MDGA2: variants seen among roughly 807,000 people sequenced by gnomAD.
MDGA2 encodes MAM domain containing glycosylphosphatidylinositol anchor 2, also known as MAM domain-containing glycosylphosphatidylinositol anchor protein 2.
MDGA2 carries 40 observed loss-of-function variants against 117.8 expected under a neutral mutation model. That is an observed-to-expected ratio of 0.34 (90% CI 0.26 to 0.44). The LOEUF is 0.44. Ranked by LOEUF, MDGA2 falls within the 20% of genes least tolerant of loss-of-function variation. The pLI is 1.00. For synonymous variants in MDGA2, 452 were observed against 439.0 expected (o/e 1.03, Z -0.37); for missense variants, 1,123 against 1,250.6 (o/e 0.90, Z 1.54).
intron 1 of MDGA2, among the ~76,000 whole-genome samples, chr14:47,463,017 G>A (rs964147202): frequency 6.6e-6 from 1 of 152,160 alleles, no homozygotes; most frequent in African/African-American, 2.4e-5. Context: ...CTTTGTGTGT[G>A]TGTGTGTGCA....
chr14:47,637,229 C>T (rs2138236933), intron 1 of MDGA2, among the ~76,000 whole-genome samples: 1 of 152,198 alleles, frequency 6.6e-6, no homozygotes, highest in South Asian at 2.1e-4. Context: ...ACCCAGTTGG[C>T]TAGGGGTACA....
At chr14:47,085,182 T>G (rs538336294) in intron 6 of MDGA2, among the ~76,000 whole-genome samples, 17 of 152,234 alleles carry the variant, frequency 1.1e-4, no homozygotes, top group Non-Finnish European at 2.2e-4. Flanking sequence ...TTTACAGTCT[T>G]AAAAGCCTAC....
chr14:47,556,248 C>T (rs1175725990), intron 1 of MDGA2, among the ~76,000 whole-genome samples: 2 of 152,108 alleles, frequency 1.3e-5, no homozygotes, highest in East Asian at 1.9e-4. Context: ...ACACAAACTC[C>T]AGACAGTGAC....
At chr14:47,226,265 G>A (rs1886499332) in intron 2 of MDGA2, among the ~76,000 whole-genome samples, 1 of 144,108 alleles carries the variant, frequency 6.9e-6, no homozygotes, top group Non-Finnish European at 1.5e-5. Flanking sequence ...AAATAAATGG[G>A]AGGAGTCTGA....
chr14:47,064,138 T>C (rs1263818943), intron 6 of MDGA2, among the ~76,000 whole-genome samples: 5 of 152,028 alleles, frequency 3.3e-5, no homozygotes, highest in Non-Finnish European at 5.9e-5. Flanking sequence ...TAAGATTATA[T>C]GTAATATACA....
chr14:47,243,817 G>A (rs1887150450), intron 2 of MDGA2, among the ~76,000 whole-genome samples: 1 of 151,738 alleles, frequency 6.6e-6, no homozygotes, highest in African/African-American at 2.4e-5. Context: ...AAAACCAAAC[G>A]CTCCAACAAT....
intron 1 of MDGA2, among the ~76,000 whole-genome samples, chr14:47,517,058 A>G (rs1358193683): frequency 6.6e-6 from 1 of 152,234 alleles, no homozygotes; most frequent in Non-Finnish European, 1.5e-5. Flanking sequence ...TAGTTGTATT[A>G]TTAACAAATA....
intron 9 of MDGA2, among the ~76,000 whole-genome samples, chr14:46,935,043 A>C (rs1884728108): frequency 6.6e-6 from 1 of 152,034 alleles, no homozygotes; most frequent in African/African-American, 2.4e-5. Flanking sequence ...AAAAAAAAAA[A>C]GAGTTATGCC....
rs1314065822 is a variant in MDGA2, at chr14:46,841,672, T to C, written c.*259A>G. On this transcript the variant is annotated 3_prime_UTR_variant, in exon 17 of 17. Transcript: ENST00000399232. ...AGTTCAACCAGATGACGCTGTAATC[T>C]TTTTAGCCACAAAAGCACCTGAAGG... The C allele has an allele frequency of 1.1e-5, 3 of 265,352 alleles. No homozygotes were observed. Among genetic ancestry groups the C allele is most frequent in the Non-Finnish European group, 2.1e-5 (3 of 142,024 alleles). The allele number at this position is 265,352 out of a possible 1,614,324, so 16.4% of individuals were successfully genotyped here. A position where few individuals can be genotyped will look rare whatever the true frequency, so the allele number is the denominator to read the frequency against.
At chr14:47,226,859 CCA>C (rs555484456) in intron 2 of MDGA2, among the ~76,000 whole-genome samples, 5 of 152,088 alleles carry the variant, frequency 3.3e-5, no homozygotes, top group African/African-American at 7.2e-5. Flanking sequence ...TTTTACAGCT[CCA>C]GTCCTTCCAT....
chr14:47,194,777 ACTCT>A (rs1452798220), intron 3 of MDGA2, among the ~76,000 whole-genome samples: 1 of 150,396 alleles, frequency 6.6e-6, no homozygotes, highest in Non-Finnish European at 1.5e-5. Flanking sequence ...TTTCTCTCTC[ACTCT>A]CTCTTTCTCT....
chr14:47,668,605 G>A (rs1473404085), intron 1 of MDGA2, among the ~76,000 whole-genome samples: 1 of 152,174 alleles, frequency 6.6e-6, no homozygotes, highest in Non-Finnish European at 1.5e-5. Flanking sequence ...TTTGCTCTAA[G>A]TAATATAGTG....
chr14:47,549,911 T>C (rs1895548055), intron 1 of MDGA2, among the ~76,000 whole-genome samples: 1 of 152,204 alleles, frequency 6.6e-6, no homozygotes, highest in African/African-American at 2.4e-5. Flanking sequence ...CCTCCAGAAC[T>C]GTGAGACAAT....
intron 1 of MDGA2, among the ~76,000 whole-genome samples, chr14:47,307,065 C>T (rs540523046): frequency 5.9e-5 from 9 of 152,320 alleles, no homozygotes; most frequent in African/African-American, 1.9e-4. Flanking sequence ...AAACACTTCT[C>T]AGTTTTCTAC....
At chr14:47,562,415 C>T (rs1387242613) in intron 1 of MDGA2, among the ~76,000 whole-genome samples, 1 of 152,118 alleles carries the variant, frequency 6.6e-6, no homozygotes, top group South Asian at 2.1e-4. Flanking sequence ...GATTCAATAT[C>T]AGAACTCATT....
chr14:47,256,203 C>A (rs901134396), intron 2 of MDGA2, among the ~76,000 whole-genome samples: 70 of 151,660 alleles, frequency 4.6e-4, no homozygotes, highest in African/African-American at 1.7e-3. Context: ...CTGACGTGGC[C>A]AGGGCATGAT....
chr14:47,385,123 T>A (rs1055076079), intron 1 of MDGA2, among the ~76,000 whole-genome samples: 1 of 152,198 alleles, frequency 6.6e-6, no homozygotes, highest in Non-Finnish European at 1.5e-5. Flanking sequence ...ATATGATGTA[T>A]ATCTAATAAT....
rs1301128950 is a variant in MDGA2, at chr14:46,870,034, G to A, written c.2752+3399C>T. On this transcript the variant is annotated intron_variant, in intron 14 of 16. Transcript: ENST00000399232. The stretch of plus-strand genomic sequence containing the variant: ...ACTATAACCTTAGGAGAGACTTTGA[G>A]CCAAAGGCACTCAGTTGAGCTATAC... 3.9e-5 allele frequency among the ~76,000 whole-genome samples: 6 copies of A among 152,054 alleles called. 1 individual carries two copies. The East Asian group carries it at 9.7e-4, about 25-fold the overall frequency.
chr14:47,030,578 G>T (rs1034630289), intron 8 of MDGA2, among the ~76,000 whole-genome samples: 1 of 152,074 alleles, frequency 6.6e-6, no homozygotes, highest in East Asian at 1.9e-4. Flanking sequence ...TACATACTAT[G>T]ATTTTTAAAT....
Sources: gnomAD v4.1 joint callset for allele counts (sites outside exome capture counted in the v4.1 genomes callset) on GRCh38, gnomAD v4.1.1 for gene constraint, MANE v1.5 for transcripts, NCBI Gene and HGNC (gene_info 2026-07-23, HGNC 2026-07-21) for gene names.